HOMER2: variants seen among roughly 807,000 people sequenced by gnomAD.
HOMER2 encodes the protein homer scaffold protein 2, also known as homer protein homolog 2.
HOMER2 carries 27 observed loss-of-function variants against 47.0 expected under a neutral mutation model. That is an observed-to-expected ratio of 0.57 (90% CI 0.42 to 0.79). The LOEUF (loss-of-function observed/expected upper bound fraction) is 0.79. HOMER2 is among the 30% of genes least tolerant of loss of function. The pLI is 0.00. For synonymous variants in HOMER2, 161 were observed against 163.8 expected (o/e 0.98, Z 0.13); for missense variants, 443 against 435.0 (o/e 1.02, Z -0.16).
At chr15:82,851,983 T>G (rs2051410078) in intron 7 of HOMER2, among the ~76,000 whole-genome samples, 159 bp downstream of exon 7, 1 of 152,200 alleles carries the variant, frequency 6.6e-6, no homozygotes, top group African/African-American at 2.4e-5. Context: ...AGGCCTTTGC[T>G]CCAGCCTGTC....
chr15:82,928,222 T>C (rs2053905448), intron 1 of HOMER2, among the ~76,000 whole-genome samples: 1 of 152,122 alleles, frequency 6.6e-6, no homozygotes, highest in African/African-American at 2.4e-5. Context: ...GCAGCTCTCT[T>C]CCCACTGGCG....
chr15:82,854,593 C>A, intron 6 of HOMER2, 51 bp downstream of exon 6: 1 of 1,564,244 alleles, frequency 6.4e-7, no homozygotes. Flanking sequence ...CCCCCATCTC[C>A]CACTGCCCAC....
At chr15:82,985,291 A>G (rs532612983) in intron 1 of HOMER2, among the ~76,000 whole-genome samples, 1 of 151,810 alleles carries the variant, frequency 6.6e-6, no homozygotes, top group Non-Finnish European at 1.5e-5. Flanking sequence ...TGGATCAGCT[A>G]TTTTGGATCA....
At chr15:82,859,159 GCC>G (rs1323552481) in intron 4 of HOMER2, 24 bp from the exon 5 acceptor site, 1 of 1,613,712 alleles carries the variant, frequency 6.2e-7, no homozygotes, top group African/African-American at 1.3e-5. Context: ...GGGGTTTCAC[GCC>G]CAGATTCCTG....
chr15:82,942,126 C>T (rs2054279385), intron 1 of HOMER2, among the ~76,000 whole-genome samples: 1 of 152,208 alleles, frequency 6.6e-6, no homozygotes, highest in Non-Finnish European at 1.5e-5. Context: ...CTTCAGGAAG[C>T]CTTCTCTAAC....
chr15:82,933,403 AAAC>A (rs1210695178), intron 1 of HOMER2, among the ~76,000 whole-genome samples: 2 of 152,072 alleles, frequency 1.3e-5, no homozygotes, highest in East Asian at 1.9e-4. Flanking sequence ...ATAAAAAAAG[AAAC>A]AACAACACAA....
At chr15:82,945,685 A>G (rs1274064852) in intron 1 of HOMER2, among the ~76,000 whole-genome samples, 2 of 152,206 alleles carry the variant, frequency 1.3e-5, no homozygotes, top group South Asian at 2.1e-4. Context: ...AAAAAGTGGT[A>G]GATGGCCGGG....
chr15:82,853,367 C>T (rs557560186), intron 6 of HOMER2, among the ~76,000 whole-genome samples: 5 of 152,348 alleles, frequency 3.3e-5, no homozygotes, highest in African/African-American at 1.2e-4. Context: ...GGCAGATCTG[C>T]CAGGCCTCGG....
At chr15:82,867,125 A>G (rs1291401145) in intron 3 of HOMER2, among the ~76,000 whole-genome samples, 1 of 152,194 alleles carries the variant, frequency 6.6e-6, no homozygotes, top group East Asian at 1.9e-4. Flanking sequence ...TTTAAATCCC[A>G]CAAACCTGTA....
At chr15:82,893,664 G>A (rs1596328827) in intron 1 of HOMER2, among the ~76,000 whole-genome samples, 4 of 147,114 alleles carry the variant, frequency 2.7e-5, no homozygotes, top group African/African-American at 1.0e-4. Context: ...TCTCACTGCT[G>A]CCCAGGCTGG....
chr15:82,977,655 A>G (rs1286121082), intron 1 of HOMER2, among the ~76,000 whole-genome samples: 1 of 152,200 alleles, frequency 6.6e-6, no homozygotes, highest in Non-Finnish European at 1.5e-5. Context: ...GACATCACAC[A>G]TGGCCCCTGG....
At chr15:82,917,243 T>C (rs1444295138) in intron 1 of HOMER2, among the ~76,000 whole-genome samples, 1 of 152,222 alleles carries the variant, frequency 6.6e-6, no homozygotes, top group African/African-American at 2.4e-5. Context: ...TATGAAAAAG[T>C]AATTTATTTC....
At chr15:82,950,835 G>C (rs2054489985) in intron 1 of HOMER2, among the ~76,000 whole-genome samples, 1 of 152,182 alleles carries the variant, frequency 6.6e-6, no homozygotes, top group African/African-American at 2.4e-5. Context: ...GGTTTTATGA[G>C]TGAGTAAACA....
intron 3 of HOMER2, among the ~76,000 whole-genome samples, chr15:82,870,196 A>G (rs1214430676): frequency 1.3e-5 from 2 of 152,204 alleles, no homozygotes; most frequent in African/African-American, 4.8e-5. Context: ...CCCGTAGCTT[A>G]ACAGAGTCTC....
downstream of HOMER2, among the ~76,000 whole-genome samples, chr15:82,836,429 TTAG>T (rs1402577027): frequency 6.6e-6 from 1 of 152,206 alleles, no homozygotes; most frequent in African/African-American, 2.4e-5. Context: ...GCCACAGGTT[TTAG>T]TCCAGCAATA....
At chr15:82,881,288 C>T (rs1256434) in intron 2 of HOMER2, among the ~76,000 whole-genome samples, 87,134 of 152,086 alleles carry the variant, frequency 0.57, 25,213 homozygotes, top group East Asian at 0.83. Context: ...CTCCTGTCTC[C>T]AGTCTCACCT....
At chr15:82,836,304 C>T (rs1226097863), downstream of HOMER2, among the ~76,000 whole-genome samples, 1 of 152,248 alleles carries the variant, frequency 6.6e-6, no homozygotes, top group African/African-American at 2.4e-5. Flanking sequence ...CTCCAAAGCA[C>T]TGCCAGTCTT....
At chr15:82,977,639 T>A (rs2030250850) in intron 1 of HOMER2, among the ~76,000 whole-genome samples, 2 of 152,218 alleles carry the variant, frequency 1.3e-5, no homozygotes, top group South Asian at 4.1e-4. Flanking sequence ...GTGCTGGAGA[T>A]GAAGAGACAT....
chr15:82,850,218 C>CA (rs911335196), intron 8 of HOMER2, among the ~76,000 whole-genome samples: 4 of 152,342 alleles, frequency 2.6e-5, no homozygotes, highest in African/African-American at 9.6e-5. Flanking sequence ...ACACAGGGCC[C>CA]AGCAGGGAAA....
Sources: gnomAD v4.1 joint callset for allele counts (sites outside exome capture counted in the v4.1 genomes callset) on GRCh38, gnomAD v4.1.1 for gene constraint, MANE v1.5 for transcripts, NCBI Gene and HGNC (gene_info 2026-07-23, HGNC 2026-07-21) for gene names.